The following STRN variants were observed in gnomAD, a reference collection of about 807,000 sequenced individuals.
The protein encoded by STRN is protein phosphatase 2 regulatory subunit B'''alpha.
Under a neutral mutation model 96.3 loss-of-function variants are expected in STRN, and 53 were observed. The ratio of observed to expected loss-of-function variants is 0.55; its 90% CI spans 0.44 to 0.69. The LOEUF is 0.69. Among genes scored for constraint, STRN ranks in the 30% least tolerant of loss-of-function variants. The pLI is 0.00. For missense variants in STRN, 987 were observed against 963.9 expected (o/e 1.02, Z -0.32); for synonymous variants, 428 against 355.9 (o/e 1.20, Z -2.28).
chr2:36,916,714 T>G (rs550582523), intron 2 of STRN, among the ~76,000 whole-genome samples: 1 of 152,316 alleles, frequency 6.6e-6, no homozygotes, highest in South Asian at 2.1e-4. Flanking sequence ...AGGAATTTTT[T>G]TATACTAGTC....
intron 12 of STRN, among the ~76,000 whole-genome samples, chr2:36,866,052 A>G (rs1014629969): frequency 5.3e-5 from 8 of 152,052 alleles, no homozygotes; most frequent in Non-Finnish European, 1.2e-4. Context: ...TATGGTTTTG[A>G]GCAATCTTGG....
intron 7 of STRN, among the ~76,000 whole-genome samples, chr2:36,887,794 T>C (rs1056473399): frequency 1.3e-5 from 2 of 152,210 alleles, no homozygotes; most frequent in Non-Finnish European, 2.9e-5. Flanking sequence ...AGAAAATCAA[T>C]AATCAATTGT....
At position 36,894,024 on chromosome 2, in the gene STRN, T is replaced by TCC. The variant is rs1558641338; in HGVS notation, c.803_804dup (p.Lys269GlyfsTer18). 6.2e-7 allele frequency: 1 copy of TCC among 1,611,146 alleles called. No homozygotes were observed. The highest frequency in any genetic ancestry group is 2.2e-5 in the East Asian group (1 of 44,806). Reference sequence around the variant, plus strand: ...TCACCGCTGTCAGGCAATGCTTTTTTCCTAACAATCTAATGAAAAAACATG... The same window carrying TCC: ...TCACCGCTGTCAGGCAATGCTTTTTTCCCCTAACAATCTAATGAAAAAACATG... On this transcript the variant is annotated frameshift_variant, in exon 7 of 18. Transcript: ENST00000263918. LOFTEE classifies it high-confidence loss of function.
At chr2:36,958,563 A>C (rs1250490013) in intron 1 of STRN, among the ~76,000 whole-genome samples, 1 of 152,212 alleles carries the variant, frequency 6.6e-6, no homozygotes, top group Non-Finnish European at 1.5e-5. Context: ...AGAGAAAATT[A>C]ATGGAGTGGA....
intron 13 of STRN, among the ~76,000 whole-genome samples, chr2:36,858,895 C>A (rs1240516133): frequency 6.6e-6 from 1 of 152,136 alleles, no homozygotes; most frequent in Non-Finnish European, 1.5e-5. Context: ...CATCAGTTAG[C>A]AGAGAGTAAC....
intron 15 of STRN, 37 bp from the exon 16 acceptor site, chr2:36,851,144 C>A: frequency 6.5e-7 from 1 of 1,528,430 alleles, no homozygotes; most frequent in South Asian, 1.1e-5. Context: ...ACAACTTAGT[C>A]AAAGATATTT....
intron 2 of STRN, among the ~76,000 whole-genome samples, chr2:36,917,475 G>C (rs1299488524): frequency 2.1e-5 from 3 of 143,734 alleles, no homozygotes; most frequent in Middle Eastern, 3.8e-3. Context: ...AGTGAGCCAA[G>C]ATCATGCCAC....
Position 36,842,142 on chromosome 2 carries a change from G to A in STRN, c.*7314C>T, listed in dbSNP as rs1457665443. The stretch of plus-strand genomic sequence containing the variant: ...ATTTCGGCACATATACAAACCACAA[G>A]CTGTTTATTTCTACAACTCACGATT... On this transcript the variant is annotated 3_prime_UTR_variant, in exon 18 of 18. Coordinates refer to ENST00000263918, the MANE Select transcript of STRN (RefSeq NM_003162.4). 5 of 152,158 alleles carry A rather than the reference G, an allele frequency of 3.3e-5. No homozygotes were observed. 9.4% of individuals were successfully genotyped at this position (152,158 alleles called of 1,614,324 possible).
intron 1 of STRN, among the ~76,000 whole-genome samples, chr2:36,946,876 A>G (rs1406192820): frequency 3.9e-5 from 6 of 151,982 alleles, no homozygotes; most frequent in Non-Finnish European, 8.8e-5. Context: ...TCCTTATTTC[A>G]CATTATACCA....
At chr2:36,850,574 T>C (rs1668193626) in intron 16 of STRN, among the ~76,000 whole-genome samples, 1 of 152,236 alleles carries the variant, frequency 6.6e-6, no homozygotes, top group Admixed American at 6.5e-5. Context: ...AATGGAATAA[T>C]TGAATATTGA....
chr2:36,855,845 T>A (rs1668331308), intron 14 of STRN, among the ~76,000 whole-genome samples: 2 of 152,176 alleles, frequency 1.3e-5, no homozygotes, highest in Non-Finnish European at 2.9e-5. Flanking sequence ...AAAGAAGTTA[T>A]AATAGCTCAA....
intron 2 of STRN, among the ~76,000 whole-genome samples, chr2:36,924,050 C>CA (rs1380004716): frequency 6.6e-6 from 1 of 151,808 alleles, no homozygotes; most frequent in Non-Finnish European, 1.5e-5. Flanking sequence ...AGCAGAGGAA[C>CA]AAAATACACA....
At chr2:36,867,631 C>T (rs1558628706) in intron 12 of STRN, 183 bp downstream of exon 12, 5 of 389,678 alleles carry the variant, frequency 1.3e-5, no homozygotes, top group Non-Finnish European at 2.3e-5. Context: ...CTAATTTAAG[C>T]ACAAATCCCT....
intron 1 of STRN, among the ~76,000 whole-genome samples, chr2:36,933,171 T>A (rs1179709376): frequency 6.6e-6 from 1 of 151,926 alleles, no homozygotes; most frequent in African/African-American, 2.4e-5. Context: ...CAATAAACAA[T>A]AAATACAAAA....
chr2:36,855,094 A>G, intron 15 of STRN, 118 bp downstream of exon 15: 1 of 1,092,054 alleles, frequency 9.2e-7, no homozygotes, highest in Non-Finnish European at 1.3e-6. Flanking sequence ...CTGTGTTCTG[A>G]AAGTTAAGAG....
chr2:36,901,053 G>C (rs529357109), intron 5 of STRN, among the ~76,000 whole-genome samples: 1 of 150,590 alleles, frequency 6.6e-6, no homozygotes, highest in Non-Finnish European at 1.5e-5. Context: ...TTTCAAAAGA[G>C]ATCTATTTTA....
chr2:36,844,060 CTG>C lies in STRN; in HGVS notation c.*5394_*5395del, dbSNP rs1349605315. 6.6e-6 allele frequency: 1 copy of C among 152,148 alleles called. No individual in the cohort carries two copies. The highest frequency in any genetic ancestry group is 1.5e-5 in the Non-Finnish European group (1 of 68,020). The allele number at this position is 152,148 out of a possible 1,614,324, so 9.4% of individuals were successfully genotyped here. A position where few individuals can be genotyped will look rare whatever the true frequency, so the allele number is the denominator to read the frequency against. ...TTTAGGAATCTGAATTGATGACACC[CTG>C]TGGTCAGCTCTAGTCAACTGAACTT... On this transcript the variant is annotated 3_prime_UTR_variant, in exon 18 of 18. Coordinates refer to ENST00000263918, the MANE Select transcript of STRN (RefSeq NM_003162.4).
chr2:36,886,121 G>A (rs534577470), intron 8 of STRN, among the ~76,000 whole-genome samples: 8 of 151,774 alleles, frequency 5.3e-5, no homozygotes, highest in Admixed American at 1.3e-4. Context: ...ACATTAAAAA[G>A]GAAAAAAGGT....
At chr2:36,911,246 C>A (rs2148212500) in intron 3 of STRN, among the ~76,000 whole-genome samples, 1 of 152,310 alleles carries the variant, frequency 6.6e-6, no homozygotes, top group African/African-American at 2.4e-5. Flanking sequence ...ACAGCCACCA[C>A]CCTCTCTAGC....
Sources: allele counts gnomAD v4.1 joint callset (sites outside exome capture counted in the v4.1 genomes callset), GRCh38; gene constraint gnomAD v4.1.1; transcripts MANE v1.5; gene names NCBI Gene and HGNC (gene_info 2026-07-23, HGNC 2026-07-21).